LRCH2: variants seen among roughly 807,000 people sequenced by gnomAD.
The protein encoded by LRCH2 is leucine rich repeats and calponin homology domain containing 2, also known as leucine-rich repeat and calponin homology domain-containing protein 2.
In LRCH2, 38 loss-of-function variants were observed where a neutral mutation model predicts 68.9. That is an observed-to-expected ratio of 0.55 (90% CI 0.43 to 0.72). The LOEUF (loss-of-function observed/expected upper bound fraction) is 0.72. Among genes scored for constraint, LRCH2 ranks in the 30% least tolerant of loss-of-function variants. LRCH2 has a pLI of 0.00. For synonymous variants in LRCH2, 191 were observed against 208.1 expected (o/e 0.92, Z 0.71); for missense variants, 528 against 572.9 (o/e 0.92, Z 0.80).
intron 1 of LRCH2, among the ~76,000 whole-genome samples, chrX:115,228,069 G>C (rs1425871095): frequency 8.9e-6 from 1 of 112,079 alleles, no homozygotes; most frequent in African/African-American, 3.2e-5. Flanking sequence ...TTAATGGAAT[G>C]CTATCTATTT....
At chrX:115,227,125 T>C (rs901343561) in intron 1 of LRCH2, among the ~76,000 whole-genome samples, 1 of 110,105 alleles carries the variant, frequency 9.1e-6, no homozygotes, top group Non-Finnish European at 1.9e-5. Context: ...CAAATTGTGA[T>C]AATCAAAAAT....
intron 15 of LRCH2, 26 bp downstream of exon 15, chrX:115,130,129 T>G (rs782666783): frequency 1.2e-5 from 11 of 914,742 alleles, no homozygotes; most frequent in Non-Finnish European, 1.7e-5. Context: ...ACATTTCAAA[T>G]AATTATTAAT....
intron 14 of LRCH2, among the ~76,000 whole-genome samples, 191 bp from the exon 15 acceptor site, chrX:115,130,390 G>T (rs185901834): frequency 8.9e-6 from 1 of 111,734 alleles, no homozygotes; most frequent in East Asian, 2.8e-4. Flanking sequence ...CATGTGCAAG[G>T]CATTGTTATA....
chrX:115,119,089 T>C (rs1313477984), intron 20 of LRCH2, among the ~76,000 whole-genome samples: 20 of 111,055 alleles, frequency 1.8e-4, no homozygotes, highest in Non-Finnish European at 3.8e-4. Context: ...ACTGGAAGCA[T>C]TCCCTTTGAA....
At chrX:115,140,788 T>C (rs1450984948) in intron 14 of LRCH2, among the ~76,000 whole-genome samples, 2 of 111,568 alleles carry the variant, frequency 1.8e-5, no homozygotes, top group Admixed American at 1.9e-4. Flanking sequence ...TGGCAAGGAC[T>C]TTGTATTGTG....
intron 14 of LRCH2, among the ~76,000 whole-genome samples, chrX:115,142,558 A>G (rs2056077284): frequency 8.9e-6 from 1 of 112,045 alleles, no homozygotes; most frequent in African/African-American, 3.2e-5. Flanking sequence ...AAATTAAACA[A>G]TATGCTCCTG....
chrX:115,172,902 T>C (rs2072615649), intron 5 of LRCH2, among the ~76,000 whole-genome samples: 1 of 110,417 alleles, frequency 9.1e-6, no homozygotes, highest in Non-Finnish European at 1.9e-5. Flanking sequence ...CACCCTCTGC[T>C]AGCATCCTAA....
At chrX:115,226,677 A>G (rs782174484) in intron 1 of LRCH2, among the ~76,000 whole-genome samples, 2 of 111,649 alleles carry the variant, frequency 1.8e-5, no homozygotes, top group East Asian at 5.6e-4. Flanking sequence ...CTCACTAGAT[A>G]TAGAGGCTGA....
intron 1 of LRCH2, chrX:115,189,708 C>T: frequency 2.6e-6 from 3 of 1,167,704 alleles, no homozygotes; most frequent in East Asian, 3.3e-5. Flanking sequence ...AACCGGCATT[C>T]AAGAGCAGCC....
chrX:115,164,564 T>A (rs1000831372), intron 10 of LRCH2, among the ~76,000 whole-genome samples: 1 of 111,474 alleles, frequency 9.0e-6, no homozygotes, highest in Non-Finnish European at 1.9e-5. Context: ...AACTGTGAAG[T>A]CATTTGGAGG....
chrX:115,134,297 G>A (rs1285650553), intron 14 of LRCH2, among the ~76,000 whole-genome samples: 1 of 112,725 alleles, frequency 8.9e-6, no homozygotes, highest in East Asian at 2.8e-4. Context: ...AGCAAGTGCT[G>A]ATGTAGAAGC....
intron 5 of LRCH2, among the ~76,000 whole-genome samples, chrX:115,178,949 G>A (rs2072671611): frequency 9.0e-6 from 1 of 111,503 alleles, no homozygotes; most frequent in Non-Finnish European, 1.9e-5. Flanking sequence ...TGTCCATAGG[G>A]GATTATATCA....
At chrX:115,173,986 ATG>A (rs1349581607) in intron 5 of LRCH2, among the ~76,000 whole-genome samples, 4 of 112,462 alleles carry the variant, frequency 3.6e-5, no homozygotes, top group East Asian at 5.6e-4. Context: ...CATATAAAAT[ATG>A]TGTTAGTCAA....
intron 14 of LRCH2, among the ~76,000 whole-genome samples, chrX:115,141,185 C>G (rs2072335475): frequency 9.4e-6 from 1 of 106,481 alleles, no homozygotes; most frequent in South Asian, 4.4e-4. Flanking sequence ...TTGCAGTGAG[C>G]CGAGATCACG....
chrX:115,169,091 G>A (rs1556546489), intron 6 of LRCH2, among the ~76,000 whole-genome samples: 1 of 112,028 alleles, frequency 8.9e-6, no homozygotes, highest in Non-Finnish European at 1.9e-5. Flanking sequence ...GCTCTTCACA[G>A]AGCTGGCTTT....
At chrX:115,150,172 A>G in intron 12 of LRCH2, 102 bp from the exon 13 acceptor site, 1 of 657,200 alleles carries the variant, frequency 1.5e-6, no homozygotes, top group Non-Finnish European at 2.2e-6. Context: ...CATTGTAAAG[A>G]ATTTACCCAT....
At chrX:115,220,537 T>C (rs1556573144) in intron 1 of LRCH2, among the ~76,000 whole-genome samples, 1 of 111,325 alleles carries the variant, frequency 9.0e-6, no homozygotes, top group Admixed American at 9.6e-5. Flanking sequence ...ACTTTGCACA[T>C]GGCTAATGGA....
At chrX:115,180,618 A>G (rs1018411798) in intron 3 of LRCH2, among the ~76,000 whole-genome samples, 1 of 111,536 alleles carries the variant, frequency 9.0e-6, no homozygotes, top group African/African-American at 3.3e-5. Flanking sequence ...AACTGCCCCC[A>G]ATTTCCAACT....
intron 1 of LRCH2, chrX:115,191,383 G>T (rs2147330472): frequency 8.7e-7 from 1 of 1,146,191 alleles, no homozygotes; most frequent in Non-Finnish European, 1.2e-6. Flanking sequence ...CCGCTCGCCT[G>T]ATGCCTACAG....
Sources: allele counts gnomAD v4.1 joint callset (sites outside exome capture counted in the v4.1 genomes callset), GRCh38; gene constraint gnomAD v4.1.1; transcripts MANE v1.5; gene names NCBI Gene and HGNC (gene_info 2026-07-23, HGNC 2026-07-21).